The following SPTBN2 variants were observed in gnomAD, a reference collection of about 807,000 sequenced individuals.
SPTBN2 encodes the protein spectrin beta, non-erythrocytic 2.
In SPTBN2, 107 loss-of-function variants were observed where a neutral mutation model predicts 284.2. The observed-to-expected ratio is 0.38, with a 90% CI of 0.32 to 0.44. The LOEUF is 0.44. SPTBN2 is among the 20% of genes least tolerant of loss of function. The pLI, the probability that SPTBN2 is intolerant of heterozygous loss-of-function variation, is 1.00. For missense variants in SPTBN2, 2,569 were observed against 3,287.1 expected, an observed-to-expected ratio of 0.78 and a Z score of 5.34; for synonymous variants, 1,289 against 1,354.8, an observed-to-expected ratio of 0.95 and a Z score of 1.07.
chr11:66,689,931 G>T lies in SPTBN2; in HGVS notation c.5823C>A (p.Ser1941=). The part of the protein sequence containing the change: ...DAQERPRDVS[S]ADLVIKNQQG... ...GCTGGTTCTTGATGACTAGATCCGC[G>T]GAGGACACATCCCTGGGGGGAGGCA... is the stretch of plus-strand genomic sequence containing the variant. Residue 1941 remains serine (S), a synonymous_variant, in exon 29 of 38, where the codon TCC becomes TCA. Coordinates refer to ENST00000533211, the MANE Select transcript of SPTBN2 (RefSeq NM_006946.4). 6.2e-7 allele frequency: 1 copy of T among 1,613,906 alleles called. No homozygotes were observed. Among genetic ancestry groups the T allele is most frequent in the Non-Finnish European group, 8.5e-7 (1 of 1,179,974 alleles).
chr11:66,699,955 T>TTTTTTC (rs1185924074), intron 17 of SPTBN2, among the ~76,000 whole-genome samples: 1 of 152,180 alleles, frequency 6.6e-6, no homozygotes, highest in Non-Finnish European at 1.5e-5. Context: ...TTTTTCCTTC[T>TTTTTTC]TTTTTCTTTT....
At chr11:66,743,863 GT>G (rs35993289) in intron 1 of SPTBN2, among the ~76,000 whole-genome samples, 21 of 152,080 alleles carry the variant, frequency 1.4e-4, no homozygotes, top group Non-Finnish European at 2.9e-5. Flanking sequence ...ACGGGGGGTC[GT>G]TTTTTCTTTT....
In SPTBN2 at chr11:66,708,867, C is replaced by T. The variant is rs963762683; in HGVS notation, c.1191+35G>A. On this transcript the variant is annotated intron_variant, in intron 11 of 37. Coordinates refer to ENST00000533211, the MANE Select transcript of SPTBN2 (RefSeq NM_006946.4). The surrounding 1 kb of genome is among the most constrained non-coding windows in gnomAD (Gnocchi z 4.4). ...TGCAAGGCATCTGGGCCAGGGCCTG[C>T]CCTGAGGGTGGGTGGCCTGTGGGCA... The T allele has an allele frequency of 1.9e-6, 3 of 1,583,470 alleles. No homozygotes were observed. Among genetic ancestry groups the T allele is most frequent in the Admixed American group, 3.3e-5 (2 of 59,934 alleles).
At chr11:66,738,155 C>T (rs1447946800) in intron 1 of SPTBN2, among the ~76,000 whole-genome samples, 2 of 151,984 alleles carry the variant, frequency 1.3e-5, no homozygotes, top group Admixed American at 6.6e-5. Context: ...GCAGAGGTTG[C>T]AGTGAGCTGA....
intron 1 of SPTBN2, among the ~76,000 whole-genome samples, chr11:66,725,618 T>C (rs1942589173): frequency 6.6e-6 from 1 of 152,308 alleles, no homozygotes; most frequent in Non-Finnish European, 1.5e-5. Context: ...AATAGGGTGG[T>C]GCAGTAGCTA....
chr11:66,738,875 A>C lies in SPTBN2; in HGVS notation c.-475+5667T>G, dbSNP rs1292300546. Among the ~76,000 whole-genome samples the C allele has an allele frequency of 2.0e-5, 3 of 150,366 alleles. No individual in the cohort carries two copies. The South Asian group carries it at 6.3e-4, about 32-fold the overall frequency. On this transcript the variant is annotated intron_variant, in intron 1 of 37. Coordinates refer to the SPTBN2 transcript ENST00000611817. ...TGCCCAGGCTGGAGTGCAGCAGCCC[A>C]ATCTCAGCTCACTGCAACCTCTGCT...
chr11:66,698,578 C>T (rs1049696313), intron 20 of SPTBN2, 61 bp downstream of exon 20: 1 of 1,611,858 alleles, frequency 6.2e-7, no homozygotes, highest in African/African-American at 1.3e-5. Flanking sequence ...GTCCTGGAGC[C>T]AGGCCCTCCC....
chr11:66,719,509 C>T (rs1942296985), intron 3 of SPTBN2, among the ~76,000 whole-genome samples: 1 of 152,214 alleles, frequency 6.6e-6, no homozygotes, highest in African/African-American at 2.4e-5. Flanking sequence ...TTCAGGAGAG[C>T]CCAGTTCAGT....
upstream of SPTBN2, among the ~76,000 whole-genome samples, chr11:66,733,091 G>C (rs1388335926): frequency 6.6e-6 from 1 of 152,046 alleles, no homozygotes; most frequent in Admixed American, 6.5e-5. Flanking sequence ...AGATAGGCAA[G>C]GGCTAGATCA....
In SPTBN2 at chr11:66,708,953, G is replaced by GT; in HGVS notation, c.1139dup (p.Asn380LysfsTer31). 1.2e-6 allele frequency: 2 copies of GT among 1,614,054 alleles called. No individual in the cohort carries two copies. The highest frequency in any genetic ancestry group is 1.7e-6 in the Non-Finnish European group (2 of 1,179,986). On this transcript the variant is annotated frameshift_variant, in exon 11 of 38. Transcript: ENST00000533211. LOFTEE classifies it high-confidence loss of function. The surrounding 1 kb of genome is among the most constrained non-coding windows in gnomAD (Gnocchi z 4.4). ...CCTCGCGGGGCGTGTAGACCTTCTGGTTGTTGGCCCGAAGCTTGCTCTGGA... is the reference window on the plus strand; with the variant it reads ...CCTCGCGGGGCGTGTAGACCTTCTGGTTTGTTGGCCCGAAGCTTGCTCTGGA...
Position 66,685,818 on chromosome 11 carries a change from C to T in SPTBN2, c.*53G>A. ...AAGAGGGCGGTCCCTGTCGACTGTC[C>T]CTGGCAGTTTCCTGAACGGAGGGAG... On this transcript the variant is annotated 3_prime_UTR_variant, in exon 38 of 38. Coordinates refer to ENST00000533211, the MANE Select transcript of SPTBN2 (RefSeq NM_006946.4). The surrounding 1 kb of genome is among the most constrained non-coding windows in gnomAD (Gnocchi z 4.4). The T allele has an allele frequency of 1.3e-6, 2 of 1,566,170 alleles. No individual in the cohort carries two copies. Among genetic ancestry groups the T allele is most frequent in the South Asian group, 1.1e-5 (1 of 89,660 alleles).
At chr11:66,743,434 G>A (rs1385477618) in intron 1 of SPTBN2, among the ~76,000 whole-genome samples, 1 of 152,180 alleles carries the variant, frequency 6.6e-6, no homozygotes, top group Non-Finnish European at 1.5e-5. Flanking sequence ...TCTTGGAGCT[G>A]GGGTGGAAGA....
Position 66,741,320 on chromosome 11 carries a change from C to G in SPTBN2, c.-475+3222G>C, listed in dbSNP as rs150227009. The stretch of plus-strand genomic sequence containing the variant: ...CTTCCCCCTTCACTGGGCACTCATT[C>G]TTCCCCTTCCTGCTGCCATGTGAAG... On this transcript the variant is annotated intron_variant, in intron 1 of 37. Transcript: ENST00000611817. Among the ~76,000 whole-genome samples the G allele has an allele frequency of 9.3e-3, 1,419 of 152,294 alleles. 12 individuals are homozygous for G. The highest frequency in any genetic ancestry group is 0.016 in the Non-Finnish European group (1,088 of 68,022).
chr11:66,714,248 G>A, intron 6 of SPTBN2, 68 bp downstream of exon 6: 1 of 1,607,622 alleles, frequency 6.2e-7, no homozygotes, highest in Non-Finnish European at 8.5e-7. Flanking sequence ...CCAGCTCATG[G>A]TTCCTGGAGC....
At chr11:66,690,437 G>C in intron 27 of SPTBN2, 154 bp from the exon 28 acceptor site, 1 of 1,061,884 alleles carries the variant, frequency 9.4e-7, no homozygotes. Flanking sequence ...AAAGATGAAG[G>C]CAGGGGCTGG....
chr11:66,693,959 G>T lies in SPTBN2; in HGVS notation c.4504-98C>A. 1 of 1,343,950 alleles carries T rather than the reference G, an allele frequency of 7.4e-7. No individual in the cohort carries two copies. The highest frequency in any genetic ancestry group is 1.0e-6 in the Non-Finnish European group (1 of 962,196). The allele number at this position is 1,343,950 out of a possible 1,614,324, so 83.3% of individuals were successfully genotyped here. On this transcript the variant is annotated intron_variant, in intron 22 of 37. Coordinates refer to ENST00000533211, the MANE Select transcript of SPTBN2 (RefSeq NM_006946.4). The surrounding 1 kb of genome is among the most constrained non-coding windows in gnomAD (Gnocchi z 5.7). Reference sequence around the variant, plus strand: ...GGGACACCTGGGGCTACCGCCCTGTGTGTGGGGAACAGTCATCTCTGGTTC... The same window carrying T: ...GGGACACCTGGGGCTACCGCCCTGTTTGTGGGGAACAGTCATCTCTGGTTC...
At chr11:66,703,972 C>CTTTTT (rs11286358) in intron 15 of SPTBN2, among the ~76,000 whole-genome samples, 983 of 109,404 alleles carry the variant, frequency 9.0e-3, no homozygotes, top group Non-Finnish European at 0.01. Context: ...TATTTCTTTT[C>CTTTTT]TTTTTTTTTT....
In SPTBN2 at chr11:66,691,614, G is replaced by A; in HGVS notation, c.5235C>T (p.Thr1745=). 6.2e-7 allele frequency: 1 copy of A among 1,613,914 alleles called. No individual in the cohort carries two copies. The highest frequency in any genetic ancestry group is 8.5e-7 in the Non-Finnish European group (1 of 1,180,052). Residue 1745 remains threonine, a synonymous_variant, in exon 27 of 38, where the codon ACC becomes ACT. Coordinates refer to ENST00000533211, the MANE Select transcript of SPTBN2 (RefSeq NM_006946.4). This position sits in a 1 kb window ranked among gnomAD's most constrained non-coding sequence, Gnocchi z 8.0. The part of the protein sequence containing the change: ...KFREFSRDTS[T]IGQERVDSAN... ...CGCTATCTACGCGCTCCTGACCGATGGTGCTTGTGTCCCGGGAGAACTCTC... is the reference window on the plus strand; with the variant it reads ...CGCTATCTACGCGCTCCTGACCGATAGTGCTTGTGTCCCGGGAGAACTCTC...
At position 66,713,937 on chromosome 11, in the gene SPTBN2, G is replaced by A. The variant is rs538085093; in HGVS notation, c.656+154C>T. ...CTGCTTCCCATCACAAGTGCTCTGC[G>A]CAGCCCTGCACCCCCATGTTCTGGT... On this transcript the variant is annotated intron_variant, in intron 7 of 37. Coordinates refer to ENST00000533211, the MANE Select transcript of SPTBN2 (RefSeq NM_006946.4). 5.1e-4 allele frequency among the ~76,000 whole-genome samples: 78 copies of A among 152,202 alleles called. 1 individual carries two copies. Among genetic ancestry groups the A allele is most frequent in the African/African-American group, 1.6e-3 (66 of 41,510 alleles).
Sources: allele counts gnomAD v4.1 joint callset (sites outside exome capture counted in the v4.1 genomes callset), GRCh38; gene constraint gnomAD v4.1.1; non-coding constraint Gnocchi (gnomAD v3.1); transcripts MANE v1.5; gene names NCBI Gene and HGNC (gene_info 2026-07-23, HGNC 2026-07-21).